The following SUN1 variants were observed in gnomAD, a reference collection of about 807,000 sequenced individuals.
The protein encoded by SUN1 is SUN domain-containing protein 1.
SUN1 carries 61 observed loss-of-function variants against 103.2 expected under a neutral mutation model. The ratio of observed to expected loss-of-function variants is 0.59; its 90% CI spans 0.48 to 0.73. SUN1 has a LOEUF of 0.73. Among genes scored for constraint, SUN1 ranks in the 30% least tolerant of loss-of-function variants. The pLI, the probability that SUN1 is intolerant of heterozygous loss-of-function variation, is 0.00. For synonymous variants in SUN1, 490 were observed against 425.7 expected (o/e 1.15, Z -1.86); for missense variants, 1,052 against 1,034.6 (o/e 1.02, Z -0.23).
chr7:869,399 C>G lies in SUN1; in HGVS notation c.2031C>G (p.Tyr677Ter). The stretch of plus-strand genomic sequence containing the variant: ...GGGCATTTAAAGGCTCCCAGGGGTA[C>G]CTGGTGGTGAGGCTCTCCATGATGA... ...NCWAFKGSQGYLVVRLSMMIH... is the reference protein window; with the variant it reads ...NCWAFKGSQG The change falls in exon 17 of 19, where the codon TAC (tyrosine) becomes TAG (stop). Residue 677 changes from tyrosine to a stop codon, truncating the protein, a stop_gained. Transcript: ENST00000401592. LOFTEE classifies it high-confidence loss of function. 6.2e-7 allele frequency: 1 copy of G among 1,613,884 alleles called. No homozygotes were observed. The highest frequency in any genetic ancestry group is 8.5e-7 in the Non-Finnish European group (1 of 1,179,862).
At chr7:820,942 G>A (rs2128134957) in intron 1 of SUN1, among the ~76,000 whole-genome samples, 1 of 152,194 alleles carries the variant, frequency 6.6e-6, no homozygotes. Context: ...CATGATCAAA[G>A]TTAGATTGTT....
At position 848,408 on chromosome 7, in the gene SUN1, T is replaced by C; in HGVS notation, c.659-2976T>C. The C allele has an allele frequency of 3.0e-6, 4 of 1,349,534 alleles. No homozygotes were observed. In the South Asian group the frequency reaches 4.8e-5, roughly 16 times the overall value. The allele number at this position is 1,349,534 out of a possible 1,614,324, so 83.6% of individuals were successfully genotyped here. ...GGAAGAAATAACGCATGTTCATGGT[T>C]TTTTAATAGGCGGTGCGTCTTTCTA... On this transcript the variant is annotated intron_variant, in intron 5 of 18. Coordinates refer to ENST00000401592, the MANE Select transcript of SUN1 (RefSeq NM_001130965.3).
chr7:861,420 C>T lies in SUN1; in HGVS notation c.1820C>T (p.Ser607Phe), dbSNP rs1402234247. ...GTGAACAGCGCCTTGAAGCTGTATTCCCAAGATAAGACCGGGATGGTGGAC... is the reference window on the plus strand; with the variant it reads ...GTGAACAGCGCCTTGAAGCTGTATTTCCAAGATAAGACCGGGATGGTGGAC... ...AIVNSALKLY[S>F]QDKTGMVDFA... Residue 607 changes from serine (S) to phenylalanine (F), a missense_variant, in exon 15 of 19, where the codon TCC (serine) becomes TTC (phenylalanine). By Grantham distance (155) the Ser-to-Phe change is radical (BLOSUM62 -2). Around this residue, in one of 2 missense-constraint regions of SUN1, gnomAD observed 206 missense variants for 260.1 expected, o/e 0.79. Transcript: ENST00000401592. The T allele has an allele frequency of 1.2e-6, 2 of 1,614,200 alleles. No individual in the cohort carries two copies. The highest frequency in any genetic ancestry group is 1.7e-5 in the Admixed American group (1 of 60,016).
intron 1 of SUN1, among the ~76,000 whole-genome samples, chr7:833,452 A>G (rs1415646049): frequency 2.0e-5 from 3 of 152,076 alleles, no homozygotes; most frequent in Admixed American, 1.3e-4. Context: ...CTGGGATTAC[A>G]GACGTGCGCC....
chr7:815,983 C>A (rs1484004962), upstream of SUN1: 1 of 205,752 alleles, frequency 4.9e-6, no homozygotes, highest in South Asian at 4.8e-5. Flanking sequence ...TGCCCCTCCC[C>A]CAAGACGCGG....
chr7:861,488 A>T, intron 15 of SUN1, 24 bp downstream of exon 15: 1 of 1,612,804 alleles, frequency 6.2e-7, no homozygotes, highest in Non-Finnish European at 8.5e-7. Context: ...CGTTCTGATT[A>T]CTAAGTTAGA....
intron 1 of SUN1, among the ~76,000 whole-genome samples, chr7:835,707 C>T (rs1262901743): frequency 6.6e-6 from 1 of 152,206 alleles, no homozygotes; most frequent in African/African-American, 2.4e-5. Flanking sequence ...GACGTGTCTC[C>T]TCTGTTAGCG....
intron 13 of SUN1, among the ~76,000 whole-genome samples, chr7:859,752 G>C (rs1348188610): frequency 6.6e-6 from 1 of 152,248 alleles, no homozygotes; most frequent in Non-Finnish European, 1.5e-5. Context: ...TTATATGACT[G>C]TTTTCTCATC....
intron 1 of SUN1, 73 bp downstream of exon 1, chr7:832,674 C>A: frequency 8.5e-7 from 1 of 1,182,252 alleles, no homozygotes; most frequent in Non-Finnish European, 1.2e-6. Flanking sequence ...TGGACCTTAA[C>A]AGGAACTCCA....
upstream of SUN1, chr7:832,107 T>C (rs372922354): frequency 3.0e-6 from 3 of 1,011,498 alleles, no homozygotes; most frequent in East Asian, 9.7e-5. Context: ...AGCAGGTAGT[T>C]CTATTTTAGT....
chr7:863,808 T>G (rs951150811), intron 15 of SUN1, among the ~76,000 whole-genome samples: 6 of 152,158 alleles, frequency 3.9e-5, no homozygotes, highest in Non-Finnish European at 7.3e-5. Flanking sequence ...TTGGAGTAGC[T>G]CTCTCTCTAG....
intron 15 of SUN1, among the ~76,000 whole-genome samples, chr7:862,673 G>A (rs895383277): frequency 8.5e-5 from 13 of 152,216 alleles, no homozygotes; most frequent in Non-Finnish European, 4.4e-5. Context: ...TAAAACCCTA[G>A]TGAATCCTTA....
intron 5 of SUN1, among the ~76,000 whole-genome samples, chr7:845,306 G>A (rs116355300): frequency 2.0e-3 from 306 of 152,196 alleles, no homozygotes; most frequent in African/African-American, 7.2e-3. Context: ...CGTCGGTGTC[G>A]TGGCGCCTCC....
intron 5 of SUN1, among the ~76,000 whole-genome samples, chr7:846,837 A>G (rs1816301866): frequency 6.6e-6 from 1 of 151,978 alleles, no homozygotes; most frequent in African/African-American, 2.4e-5. Context: ...ACACAGTGAG[A>G]CTTCTTCTCA....
Position 873,100 on chromosome 7 carries a change from A to T in SUN1, c.2242-115A>T, listed in dbSNP as rs1585429782. The T allele has an allele frequency of 8.3e-6, 8 of 964,458 alleles. No homozygotes were observed. The South Asian group carries it at 1.0e-4, about 12-fold the overall frequency. 59.7% of individuals were successfully genotyped at this position (964,458 alleles called of 1,614,324 possible). A position where few individuals can be genotyped will look rare whatever the true frequency, so the allele number is the denominator to read the frequency against. ...AGACTCTGTCTCAACAACAACAACAAAAGGTTAATTTCCAACTCAGCTGCT... is the reference window on the plus strand; with the variant it reads ...AGACTCTGTCTCAACAACAACAACATAAGGTTAATTTCCAACTCAGCTGCT... On this transcript the variant is annotated intron_variant, in intron 18 of 18. Coordinates refer to ENST00000401592, the MANE Select transcript of SUN1 (RefSeq NM_001130965.3).
intron 16 of SUN1, chr7:868,402 T>C: frequency 3.7e-6 from 1 of 270,614 alleles, no homozygotes; most frequent in South Asian, 3.4e-5. Context: ...CAGGCTGTGC[T>C]TCTGGGGCTG....
intron 2 of SUN1, chr7:839,290 T>A: frequency 3.3e-6 from 1 of 307,324 alleles, no homozygotes; most frequent in Non-Finnish European, 6.0e-6. Flanking sequence ...TTTGTGGTCC[T>A]GTGGTGGGAG....
chr7:859,410 A>G (rs1474385041), intron 13 of SUN1, among the ~76,000 whole-genome samples: 1 of 152,170 alleles, frequency 6.6e-6, no homozygotes, highest in Non-Finnish European at 1.5e-5. Context: ...ATGAGCAACC[A>G]TGCCCTTGGG....
At chr7:849,485 G>C (rs1457065428) in intron 5 of SUN1, 1 of 1,339,956 alleles carries the variant, frequency 7.5e-7, no homozygotes, top group Admixed American at 1.9e-5. Flanking sequence ...CTTGGCGTCG[G>C]TGAGTTCCCT....
Sources: allele counts gnomAD v4.1 joint callset (sites outside exome capture counted in the v4.1 genomes callset), GRCh38; gene constraint gnomAD v4.1.1; regional missense constraint gnomAD v4.1.1; transcripts MANE v1.5; gene names NCBI Gene and HGNC (gene_info 2026-07-23, HGNC 2026-07-21).